SLC35F3: variants seen among roughly 807,000 people sequenced by gnomAD.
SLC35F3 encodes solute carrier family 35 member F3, also known as putative thiamine transporter SLC35F3.
In SLC35F3, 25 loss-of-function variants were observed where a neutral mutation model predicts 49.9. The ratio of observed to expected loss-of-function variants is 0.50; its 90% CI spans 0.37 to 0.70. The LOEUF (loss-of-function observed/expected upper bound fraction) is 0.70. Among genes scored for constraint, SLC35F3 ranks in the 30% least tolerant of loss-of-function variants. The pLI is 0.00. For missense variants in SLC35F3, 525 were observed against 639.8 expected (o/e 0.82, Z 1.94); for synonymous variants, 275 against 265.4 (o/e 1.04, Z -0.35).
intron 2 of SLC35F3, among the ~76,000 whole-genome samples, chr1:234,069,448 A>T (rs1664681453): frequency 6.6e-6 from 1 of 151,696 alleles, no homozygotes; most frequent in Admixed American, 6.6e-5. Context: ...GTAGAGACGG[A>T]GTTTCACCGT....
At chr1:233,911,666 T>C (rs1212950032) in intron 2 of SLC35F3, among the ~76,000 whole-genome samples, 2 of 152,250 alleles carry the variant, frequency 1.3e-5, no homozygotes, top group Non-Finnish European at 2.9e-5. Flanking sequence ...AATGTGCCTT[T>C]ATTTTCATTT....
intron 2 of SLC35F3, among the ~76,000 whole-genome samples, chr1:234,184,185 TATCATC>T (rs1172744670): frequency 1.3e-5 from 2 of 152,192 alleles, no homozygotes; most frequent in African/African-American, 4.8e-5. Context: ...CTATGTCATT[TATCATC>T]AGTAGTTGGA....
At chr1:234,312,986 T>G (rs1657396252) in intron 4 of SLC35F3, among the ~76,000 whole-genome samples, 1 of 152,002 alleles carries the variant, frequency 6.6e-6, no homozygotes, top group Non-Finnish European at 1.5e-5. Context: ...AAGTGATCCT[T>G]TCACCTCAAC....
chr1:234,241,735 C>CAA (rs34326038), intron 3 of SLC35F3, among the ~76,000 whole-genome samples: 18 of 89,898 alleles, frequency 2.0e-4, no homozygotes, highest in Admixed American at 6.1e-4. Context: ...CACTCTGTCT[C>CAA]AAAAAAAAAA....
intron 3 of SLC35F3, among the ~76,000 whole-genome samples, chr1:234,254,258 C>T (rs1354968865): frequency 6.6e-6 from 1 of 152,204 alleles, no homozygotes; most frequent in Non-Finnish European, 1.5e-5. Context: ...TGTTCACACT[C>T]TTCTCTATTC....
At chr1:233,918,011 G>A (rs1310046550) in intron 2 of SLC35F3, among the ~76,000 whole-genome samples, 1 of 81,492 alleles carries the variant, frequency 1.2e-5, no homozygotes, top group East Asian at 4.1e-4. Context: ...ATTTGGCTTA[G>A]CTAAAATGCA....
chr1:234,164,077 G>A (rs1057266416), intron 2 of SLC35F3, among the ~76,000 whole-genome samples: 3 of 151,588 alleles, frequency 2.0e-5, no homozygotes, highest in African/African-American at 4.9e-5. Context: ...TGTAGAAATA[G>A]CTCTGTCTCT....
At chr1:234,184,578 A>G (rs1014562685) in intron 2 of SLC35F3, among the ~76,000 whole-genome samples, 4 of 152,130 alleles carry the variant, frequency 2.6e-5, no homozygotes, top group African/African-American at 9.7e-5. Flanking sequence ...TGTTTTTCTC[A>G]TAGAAGGAAC....
chr1:234,021,202 A>T (rs191716548), intron 2 of SLC35F3, among the ~76,000 whole-genome samples: 1 of 145,294 alleles, frequency 6.9e-6, no homozygotes, highest in Admixed American at 6.8e-5. Flanking sequence ...ACCTTGCACA[A>T]CCAGGTCACT....
At chr1:234,259,425 G>A (rs12029318) in intron 3 of SLC35F3, among the ~76,000 whole-genome samples, 28,987 of 152,060 alleles carry the variant, frequency 0.19, 4,003 homozygotes, top group East Asian at 0.7. Context: ...TAACTGAGCT[G>A]CTAAGTAGAA....
At chr1:233,941,343 T>C (rs1354616244) in intron 2 of SLC35F3, among the ~76,000 whole-genome samples, 1 of 152,254 alleles carries the variant, frequency 6.6e-6, no homozygotes, top group African/African-American at 2.4e-5. Flanking sequence ...TATCACCTTG[T>C]AACTGAATTT....
At chr1:234,163,129 T>C (rs1666255743) in intron 2 of SLC35F3, among the ~76,000 whole-genome samples, 1 of 152,244 alleles carries the variant, frequency 6.6e-6, no homozygotes, top group Admixed American at 6.5e-5. Context: ...TCAGTGCCTA[T>C]ACCCAGAAGG....
Position 233,916,819 on chromosome 1 carries a change from G to A in SLC35F3, c.283+11061G>A, listed in dbSNP as rs375181227. On this transcript the variant is annotated intron_variant, in intron 2 of 7. Transcript: ENST00000366618. ...GGTCCCTCTTTAGAAGCCCATGGACGAGGCCGAGGCTTCAGAAAATCACTA... is the reference window on the plus strand; with the variant it reads ...GGTCCCTCTTTAGAAGCCCATGGACAAGGCCGAGGCTTCAGAAAATCACTA... Among the ~76,000 whole-genome samples, 11 of 152,316 alleles carry A rather than the reference G, an allele frequency of 7.2e-5. No homozygotes were observed. In the East Asian group the frequency reaches 1.3e-3, roughly 19 times the overall value.
At chr1:234,221,884 T>C (rs1355136210) in intron 2 of SLC35F3, among the ~76,000 whole-genome samples, 2 of 152,234 alleles carry the variant, frequency 1.3e-5, no homozygotes, top group Non-Finnish European at 2.9e-5. Flanking sequence ...GGCAGGAACA[T>C]TCTAAGAGTC....
intron 2 of SLC35F3, among the ~76,000 whole-genome samples, chr1:233,976,567 C>A: frequency 6.6e-6 from 1 of 152,142 alleles, no homozygotes; most frequent in East Asian, 1.9e-4. Flanking sequence ...TATCTGTAAA[C>A]AAAATCTGTA....
chr1:234,041,297 G>A (rs1664216012), intron 2 of SLC35F3, among the ~76,000 whole-genome samples: 1 of 152,144 alleles, frequency 6.6e-6, no homozygotes, highest in Admixed American at 6.5e-5. Context: ...TGGTGACTCA[G>A]GGATCCATGA....
chr1:234,206,731 G>A (rs921641294), intron 2 of SLC35F3, among the ~76,000 whole-genome samples: 2 of 152,142 alleles, frequency 1.3e-5, no homozygotes, highest in African/African-American at 2.4e-5. Context: ...GAACATGATG[G>A]CTGCCTTCGG....
chr1:233,959,455 T>C (rs1289224615), intron 2 of SLC35F3, among the ~76,000 whole-genome samples: 2 of 152,124 alleles, frequency 1.3e-5, no homozygotes, highest in East Asian at 1.9e-4. Context: ...TTTCATGGGG[T>C]AGCAGGCATA....
At chr1:234,309,444 T>A in intron 4 of SLC35F3, 124 bp downstream of exon 4, 1 of 825,482 alleles carries the variant, frequency 1.2e-6, no homozygotes, top group South Asian at 1.8e-5. Flanking sequence ...TCCTTCTGAT[T>A]TGCAGCAGAA....
Sources: allele counts gnomAD v4.1 joint callset (sites outside exome capture counted in the v4.1 genomes callset), GRCh38; gene constraint gnomAD v4.1.1; transcripts MANE v1.5; gene names NCBI Gene and HGNC (gene_info 2026-07-23, HGNC 2026-07-21).